The following RTRAF variants were observed in gnomAD, a reference collection of about 807,000 sequenced individuals.
RTRAF encodes tRNA-splicing ligase complex subunit RTRAF.
A neutral mutation model predicts 34.4 loss-of-function variants in RTRAF; 14 were observed. That is an observed-to-expected ratio of 0.41 (90% CI 0.27 to 0.64). The LOEUF (loss-of-function observed/expected upper bound fraction) is 0.64, where lower values mean the gene tolerates loss of function less well. Among genes scored for constraint, RTRAF ranks in the 30% least tolerant of loss-of-function variants. The pLI is 0.34. For synonymous variants in RTRAF, 96 were observed against 95.3 expected (o/e 1.01, Z -0.04); for missense variants, 291 against 288.4 (o/e 1.01, Z -0.06).
Position 52,005,765 on chromosome 14 carries a change from T to G in RTRAF, c.*1249T>G. 1 of 1,613,818 alleles carries G rather than the reference T, an allele frequency of 6.2e-7. No homozygotes were observed. The highest frequency in any genetic ancestry group is 1.1e-5 in the South Asian group (1 of 91,064). ...TTGGGCAGTAGGGGTAGACTGCAGT[T>G]ATCCCGTAGAGGTGAGATCGTTGTT... On this transcript the variant is annotated 3_prime_UTR_variant, in exon 8 of 8. Coordinates refer to ENST00000261700, the MANE Select transcript of RTRAF (RefSeq NM_016039.3).
At chr14:51,994,938 A>T (rs1428768186) in intron 3 of RTRAF, among the ~76,000 whole-genome samples, 2 of 150,882 alleles carry the variant, frequency 1.3e-5, no homozygotes, top group Non-Finnish European at 3.0e-5. Flanking sequence ...TTCTATCTAC[A>T]CATCTAAATC....
Position 52,005,552 on chromosome 14 carries a change from G to GTTGC in RTRAF, c.*1037_*1040dup, listed in dbSNP as rs780525368. 3.8e-5 allele frequency: 60 copies of GTTGC among 1,570,096 alleles called. No individual in the cohort carries two copies. The highest frequency in any genetic ancestry group is 5.0e-5 in the Non-Finnish European group (58 of 1,155,748). ...TGGTGGGTGAGTATATTGTAACCAAGTTGCAACAGCAAGTCTTTGCATTTT... is the reference window on the plus strand; with the variant it reads ...TGGTGGGTGAGTATATTGTAACCAAGTTGCTTGCAACAGCAAGTCTTTGCATTTT... On this transcript the variant is annotated 3_prime_UTR_variant, in exon 8 of 8. Transcript: ENST00000261700.
intron 1 of RTRAF, among the ~76,000 whole-genome samples, chr14:51,990,848 C>G (rs762753542): frequency 3.9e-5 from 6 of 152,140 alleles, no homozygotes; most frequent in Non-Finnish European, 8.8e-5. Context: ...TATTACTTTG[C>G]TATAAATTTA....
In RTRAF at chr14:52,010,674, A is replaced by C; in HGVS notation, c.*6158A>C. 1.9e-6 allele frequency: 1 copy of C among 534,852 alleles called. No individual in the cohort carries two copies. Among genetic ancestry groups the C allele is most frequent in the East Asian group, 2.9e-5 (1 of 33,988 alleles). The allele number at this position is 534,852 out of a possible 1,614,324, so 33.1% of individuals were successfully genotyped here. A position where few individuals can be genotyped will look rare whatever the true frequency, so the allele number is the denominator to read the frequency against. The stretch of plus-strand genomic sequence containing the variant: ...TACCAGTCTTGTTTCCTCCTAATAA[A>C]ATATAAGTGCCATGAAAGAACAGAC... On this transcript the variant is annotated 3_prime_UTR_variant, in exon 8 of 8. Transcript: ENST00000261700.
intron 5 of RTRAF, 110 bp downstream of exon 5, chr14:51,999,906 C>T (rs898567365): frequency 8.5e-6 from 6 of 708,854 alleles, no homozygotes; most frequent in African/African-American, 3.6e-5. Flanking sequence ...GACTAAAATA[C>T]ACAGAAGAAT....
rs1455497430 is a variant in RTRAF, at chr14:52,009,433, C to T, written c.*4917C>T. The T allele has an allele frequency of 1.3e-5, 2 of 152,184 alleles. No individual in the cohort carries two copies. Among genetic ancestry groups the T allele is most frequent in the Non-Finnish European group, 2.9e-5 (2 of 68,038 alleles). The allele number at this position is 152,184 out of a possible 1,614,324, so 9.4% of individuals were successfully genotyped here. ...AGAAATATGCAGGAAGGCTTGACAA[C>T]CATTCTGTTACGCAGTTGAAGGAGA... On this transcript the variant is annotated 3_prime_UTR_variant, in exon 8 of 8. Coordinates refer to ENST00000261700, the MANE Select transcript of RTRAF (RefSeq NM_016039.3).
intron 5 of RTRAF, 144 bp from the exon 6 acceptor site, chr14:52,001,648 TTTTTTA>T (rs1890603173): frequency 4.7e-6 from 3 of 634,304 alleles, no homozygotes; most frequent in South Asian, 2.1e-5. Flanking sequence ...TTAGTGGGTT[TTTTTTA>T]TTTTTAATTT....
rs1162227197 is a variant in RTRAF at position 52,004,324 on chromosome 14, A to G, written c.581-38A>G. ...GAAATAAATGGCCTTAAATGTAAAA[A>G]TTATGTATTGAAGCAGTGTTCTTTT... On this transcript the variant is annotated intron_variant, in intron 7 of 7. Transcript: ENST00000261700. 2.5e-6 allele frequency: 4 copies of G among 1,609,870 alleles called. No individual in the cohort carries two copies. The Admixed American group carries it at 5.1e-5, about 20-fold the overall frequency.
rs1332388214 is a variant in RTRAF, at chr14:52,004,374, A to G, written c.593A>G (p.Asn198Ser). 1 of 1,613,544 alleles carries G rather than the reference A, an allele frequency of 6.2e-7. No homozygotes were observed. Among genetic ancestry groups the G allele is most frequent in the Non-Finnish European group, 8.5e-7 (1 of 1,179,842 alleles). ...LGFDTGDAVLNEAAQILRLLH... is the reference protein window; with the variant it reads ...LGFDTGDAVLSEAAQILRLLH... ...TCTCATAAAACAGATGCAGTTCTTA[A>G]TGAAGCTGCTCAAATTCTGCGATTG... The change falls in exon 8 of 8, where the codon AAT (asparagine) becomes AGT (serine). Residue 198 changes from asparagine to serine, a missense_variant. Asn to Ser is a conservative substitution (Grantham distance 46). Coordinates refer to ENST00000261700, the MANE Select transcript of RTRAF (RefSeq NM_016039.3).
At chr14:51,994,917 A>G (rs1432024330) in intron 3 of RTRAF, among the ~76,000 whole-genome samples, 1 of 151,784 alleles carries the variant, frequency 6.6e-6, no homozygotes, top group Admixed American at 6.6e-5. Context: ...CTTGGCTAAT[A>G]TACCATTTCA....
At position 52,010,604 on chromosome 14, in the gene RTRAF, C is replaced by G. The variant is rs1001574277; in HGVS notation, c.*6088C>G. ...CAGAGTAGCCCTAGTTCTCACAACACTATCTGAATTTTCTACATATCACAT... is the reference window on the plus strand; with the variant it reads ...CAGAGTAGCCCTAGTTCTCACAACAGTATCTGAATTTTCTACATATCACAT... On this transcript the variant is annotated 3_prime_UTR_variant, in exon 8 of 8. Coordinates refer to ENST00000261700, the MANE Select transcript of RTRAF (RefSeq NM_016039.3). The G allele has an allele frequency of 3.2e-6, 1 of 313,148 alleles. No individual in the cohort carries two copies. Among genetic ancestry groups the G allele is most frequent in the Non-Finnish European group, 6.1e-6 (1 of 164,302 alleles). 19.4% of individuals were successfully genotyped at this position (313,148 alleles called of 1,614,324 possible).
chr14:51,990,106 C>G (rs571638278), intron 1 of RTRAF, among the ~76,000 whole-genome samples: 24 of 152,112 alleles, frequency 1.6e-4, no homozygotes, highest in Non-Finnish European at 2.9e-4. Context: ...AACTTGAAGA[C>G]TAGTTCACTG....
rs751517972 is a variant in RTRAF, at chr14:51,999,804, T to G, written c.462+8T>G. The G allele has an allele frequency of 1.3e-6, 2 of 1,594,906 alleles. No homozygotes were observed. The highest frequency in any genetic ancestry group is 1.7e-6 in the Non-Finnish European group (2 of 1,166,018). ...TACCTGGTAATGCTTAAGGTCAGCT[T>G]CATGTTCTTGATTCTTGACAGAAAC... On this transcript the variant is annotated splice_region_variant and intron_variant, in intron 5 of 7. Transcript: ENST00000261700.
intron 6 of RTRAF, 123 bp from the exon 7 acceptor site, chr14:52,004,071 C>A: frequency 1.2e-6 from 1 of 816,784 alleles, no homozygotes; most frequent in Non-Finnish European, 2.0e-6. Context: ...ATTCCTAGTT[C>A]CCTTGCCCAT....
chr14:51,991,951 C>T (rs1431583632), intron 2 of RTRAF, among the ~76,000 whole-genome samples: 1 of 152,118 alleles, frequency 6.6e-6, no homozygotes, highest in Non-Finnish European at 1.5e-5. Flanking sequence ...TCTGTAGTGT[C>T]AGCTAATTGG....
intron 2 of RTRAF, 129 bp from the exon 3 acceptor site, chr14:51,993,594 A>G (rs1890469689): frequency 1.1e-5 from 7 of 609,316 alleles, no homozygotes; most frequent in Non-Finnish European, 8.6e-6. Context: ...AATTGCATCA[A>G]AAGTGTAGTA....
At position 52,006,834 on chromosome 14, in the gene RTRAF, T is replaced by TAGAG; in HGVS notation, c.*2320_*2323dup. The TAGAG allele has an allele frequency of 1.9e-6, 1 of 538,938 alleles. No homozygotes were observed. The highest frequency in any genetic ancestry group is 3.1e-6 in the Non-Finnish European group (1 of 319,930). 33.4% of individuals were successfully genotyped at this position (538,938 alleles called of 1,614,324 possible). A position where few individuals can be genotyped will look rare whatever the true frequency, so the allele number is the denominator to read the frequency against. The stretch of plus-strand genomic sequence containing the variant: ...CCTATTACTAGTCTCCAGTTTTTAG[T>TAGAG]AGAGATTCAAACTTTCAATCCTTTT... On this transcript the variant is annotated 3_prime_UTR_variant, in exon 8 of 8. Transcript: ENST00000261700.
In RTRAF at chr14:52,004,715, T is replaced by C. The variant is rs1890686323; in HGVS notation, c.*199T>C. 2.0e-6 allele frequency: 1 copy of C among 495,674 alleles called. No homozygotes were observed. The highest frequency in any genetic ancestry group is 3.9e-5 in the Admixed American group (1 of 25,572). 30.7% of individuals were successfully genotyped at this position (495,674 alleles called of 1,614,324 possible). A position where few individuals can be genotyped will look rare whatever the true frequency, so the allele number is the denominator to read the frequency against. ...AGTAGAATTTTTATTATGTACTGTA[T>C]GTTTGCATAAATCACCTTTCTCCTT... On this transcript the variant is annotated 3_prime_UTR_variant, in exon 8 of 8. Transcript: ENST00000261700.
Position 52,006,179 on chromosome 14 carries a change from C to G in RTRAF, c.*1663C>G, listed in dbSNP as rs1890774027. On this transcript the variant is annotated 3_prime_UTR_variant, in exon 8 of 8. Coordinates refer to ENST00000261700, the MANE Select transcript of RTRAF (RefSeq NM_016039.3). Reference sequence around the variant, plus strand: ...CCCTCAGACAATATGTCCACAGTGTCAAAAGCCAACTTAAGCCCTGTAATA... The same window carrying G: ...CCCTCAGACAATATGTCCACAGTGTGAAAAGCCAACTTAAGCCCTGTAATA... The G allele has an allele frequency of 2.5e-6, 1 of 399,220 alleles. No homozygotes were observed. Among genetic ancestry groups the G allele is most frequent in the Admixed American group, 3.7e-5 (1 of 26,902 alleles). 24.7% of individuals were successfully genotyped at this position (399,220 alleles called of 1,614,324 possible).
Sources: allele counts gnomAD v4.1 joint callset (sites outside exome capture counted in the v4.1 genomes callset), GRCh38; gene constraint gnomAD v4.1.1; transcripts MANE v1.5; gene names NCBI Gene and HGNC (gene_info 2026-07-23, HGNC 2026-07-21).